HMCN1: variants seen among roughly 807,000 people sequenced by gnomAD.
HMCN1 encodes hemicentin-1.
Under a neutral mutation model 625.9 loss-of-function variants are expected in HMCN1, and 321 were observed. That is an observed-to-expected ratio of 0.51 (90% CI 0.47 to 0.56). HMCN1 has a LOEUF of 0.56. Ranked by LOEUF, HMCN1 falls within the 20% of genes least tolerant of loss-of-function variation. The pLI is 0.00. For missense variants in HMCN1, 6,588 were observed against 6,887.3 expected (o/e 0.96, Z 1.54); for synonymous variants, 2,425 against 2,417.6 (o/e 1.00, Z -0.09).
At chr1:186,048,193 A>C (rs1238051232) in intron 41 of HMCN1, among the ~76,000 whole-genome samples, 1 of 152,180 alleles carries the variant, frequency 6.6e-6, no homozygotes, top group Non-Finnish European at 1.5e-5. Flanking sequence ...TGGTCAATGG[A>C]TGAATCAGCA....
chr1:186,001,790 C>G (rs917475907), intron 28 of HMCN1, 49 bp downstream of exon 28: 12 of 1,463,832 alleles, frequency 8.2e-6, no homozygotes, highest in Non-Finnish European at 1.1e-5. Context: ...GCATTTCTTA[C>G]CTAAAATAGA....
At chr1:186,111,747 A>G (rs1385336428) in intron 71 of HMCN1, among the ~76,000 whole-genome samples, 5 of 152,256 alleles carry the variant, frequency 3.3e-5, no homozygotes, top group East Asian at 1.9e-4. Context: ...CTTACTATAC[A>G]TACTTAAGAA....
At chr1:185,806,937 T>C (rs1659208698) in intron 1 of HMCN1, among the ~76,000 whole-genome samples, 1 of 152,136 alleles carries the variant, frequency 6.6e-6, no homozygotes, top group Admixed American at 6.6e-5. Flanking sequence ...TTCTTAACAT[T>C]TCATTTAATG....
chr1:186,055,664 A>C lies in HMCN1; in HGVS notation c.7134A>C (p.Leu2378Phe). 6.2e-7 allele frequency: 1 copy of C among 1,612,484 alleles called. No individual in the cohort carries two copies. The highest frequency in any genetic ancestry group is 1.3e-5 in the African/African-American group (1 of 74,940). Residue 2378 changes from leucine to phenylalanine, a missense_variant, in exon 45 of 107, where the codon TTA (leucine) becomes TTC (phenylalanine). By Grantham distance (22) the Leu-to-Phe change is conservative. Around this residue, in one of 3 missense-constraint regions of HMCN1, gnomAD observed 4,628 missense variants for 4,853.1 expected, o/e 0.95. Transcript: ENST00000271588. ...VAGMTDKKYD[L>F]SVHAPPSIIG... is the part of the protein sequence containing the mutation. ...GAATGACTGACAAAAAATATGACTT[A>C]AGTGTCCATGGTAAGTAGAAAGAGG... is the stretch of plus-strand genomic sequence containing the variant.
chr1:185,803,205 C>CAAAAAAAAAAAAAAAAGAA (rs1658923219), intron 1 of HMCN1, among the ~76,000 whole-genome samples: 1 of 58,754 alleles, frequency 1.7e-5, no homozygotes, highest in Non-Finnish European at 4.2e-5. Context: ...AAAAAAAAAG[C>CAAAAAAAAAAAAAAAAGAA]AAAAAAAAAA....
At chr1:186,150,936 G>A (rs1650624350) in intron 93 of HMCN1, among the ~76,000 whole-genome samples, 2 of 151,960 alleles carry the variant, frequency 1.3e-5, no homozygotes. Context: ...GACACTGATT[G>A]TATTCTTTGG....
chr1:185,858,833 C>G (rs1431370033), intron 2 of HMCN1, among the ~76,000 whole-genome samples: 1 of 151,434 alleles, frequency 6.6e-6, no homozygotes, highest in South Asian at 2.1e-4. Flanking sequence ...TCCATTACTT[C>G]CAATTTTTAA....
chr1:186,009,924 G>A (rs1653884361), intron 30 of HMCN1, among the ~76,000 whole-genome samples: 1 of 152,156 alleles, frequency 6.6e-6, no homozygotes. Flanking sequence ...GAACGAAACT[G>A]TTCCACTGAA....
At chr1:185,787,024 T>C (rs1419721690) in intron 1 of HMCN1, among the ~76,000 whole-genome samples, 1 of 152,172 alleles carries the variant, frequency 6.6e-6, no homozygotes, top group Non-Finnish European at 1.5e-5. Context: ...TTTAATGTAA[T>C]TTAATAAGCT....
intron 62 of HMCN1, 78 bp downstream of exon 62, chr1:186,088,354 C>T: frequency 6.2e-7 from 1 of 1,600,520 alleles, no homozygotes. Flanking sequence ...TAAACTAGCA[C>T]ATTTTAAGTA....
At chr1:186,182,338 A>G in intron 105 of HMCN1, 51 bp downstream of exon 105, 1 of 1,607,608 alleles carries the variant, frequency 6.2e-7, no homozygotes, top group Non-Finnish European at 8.5e-7. Context: ...AAAAACCAAC[A>G]GAGAGTGTGA....
chr1:185,764,437 T>C (rs16824451), intron 1 of HMCN1, among the ~76,000 whole-genome samples: 5,872 of 152,236 alleles, frequency 0.039, 334 homozygotes, highest in African/African-American at 0.13. Context: ...GCTATTTTTT[T>C]AGGAAGAGTT....
intron 1 of HMCN1, among the ~76,000 whole-genome samples, chr1:185,740,990 T>C (rs1653957002): frequency 1.3e-5 from 2 of 152,112 alleles, no homozygotes; most frequent in South Asian, 4.1e-4. Context: ...GAAGACTCTA[T>C]CTCAAAAACA....
At chr1:185,793,373 C>T (rs1280653907) in intron 1 of HMCN1, among the ~76,000 whole-genome samples, 4 of 152,238 alleles carry the variant, frequency 2.6e-5, no homozygotes, top group Admixed American at 2.6e-4. Flanking sequence ...TTCATGCTGG[C>T]TTCTGCTACT....
intron 100 of HMCN1, 92 bp downstream of exon 100, chr1:186,167,034 C>T: frequency 1.3e-6 from 2 of 1,503,840 alleles, no homozygotes; most frequent in South Asian, 1.1e-5. Flanking sequence ...TCAGAAACTC[C>T]ACGAGGAAGG....
chr1:186,074,668 A>G (rs932061481), intron 52 of HMCN1, 73 bp from the exon 53 acceptor site: 1 of 1,332,898 alleles, frequency 7.5e-7, no homozygotes, highest in East Asian at 2.3e-5. Context: ...AATCACAAAA[A>G]CTATCAACTG....
chr1:186,054,891 A>G (rs1657212354), intron 44 of HMCN1, among the ~76,000 whole-genome samples: 1 of 151,960 alleles, frequency 6.6e-6, no homozygotes, highest in Non-Finnish European at 1.5e-5. Context: ...CAAAATCCCC[A>G]GCAGACCTCT....
At chr1:186,155,349 T>C (rs1007999400) in intron 97 of HMCN1, among the ~76,000 whole-genome samples, 1 of 152,132 alleles carries the variant, frequency 6.6e-6, no homozygotes, top group Non-Finnish European at 1.5e-5. Flanking sequence ...CACTACCTTT[T>C]ACTATTGCCA....
chr1:185,815,504 TG>T (rs1211573305), intron 1 of HMCN1, among the ~76,000 whole-genome samples: 1 of 150,168 alleles, frequency 6.7e-6, no homozygotes, highest in Admixed American at 6.6e-5. Context: ...CAGGAAGATT[TG>T]TTGAATGAAA....
Sources: allele counts gnomAD v4.1 joint callset (sites outside exome capture counted in the v4.1 genomes callset), GRCh38; gene constraint gnomAD v4.1.1; regional missense constraint gnomAD v4.1.1; transcripts MANE v1.5; gene names NCBI Gene and HGNC (gene_info 2026-07-23, HGNC 2026-07-21).